Variants in MYPN observed in about 807,000 individuals in gnomAD.
MYPN encodes sarcomeric protein myopalladin, 145 kDa (MYOP).
In MYPN, 63 loss-of-function variants were observed where a neutral mutation model predicts 129.4. The ratio of observed to expected loss-of-function variants is 0.49; its 90% confidence interval spans 0.40 to 0.60. The LOEUF is 0.60. Ranked by LOEUF, MYPN falls within the 20% of genes least tolerant of loss-of-function variation. MYPN has a pLI of 0.00. For missense variants in MYPN, 1,596 were observed against 1,635.4 expected (o/e 0.98, Z 0.42); for synonymous variants, 629 against 600.9 (o/e 1.05, Z -0.68).
upstream of MYPN, among the ~76,000 whole-genome samples, chr10:68,108,169 C>T (rs1185015648): frequency 6.6e-6 from 1 of 152,128 alleles, no homozygotes; most frequent in East Asian, 1.9e-4. Flanking sequence ...AATTCATTTC[C>T]TCCTGTATCC....
chr10:68,114,305 C>T (rs1180317549), intron 1 of MYPN: 2 of 151,614 alleles, frequency 1.3e-5, no homozygotes, highest in African/African-American at 4.8e-5. Flanking sequence ...AGGTATCAGC[C>T]TCAAACTTTT....
chr10:68,200,956 T>C (rs554409279), intron 17 of MYPN, among the ~76,000 whole-genome samples: 4 of 152,332 alleles, frequency 2.6e-5, no homozygotes, highest in African/African-American at 9.6e-5. Flanking sequence ...CTAAAAAATA[T>C]TGACTTTGGA....
chr10:68,094,599 A>G (rs565213334), intron 1 of MYPN, among the ~76,000 whole-genome samples: 1 of 152,184 alleles, frequency 6.6e-6, no homozygotes, highest in East Asian at 1.9e-4. Flanking sequence ...CCTATTCGAG[A>G]TGGAAGTCAC....
chr10:68,203,720 C>CACAGAG (rs1554851560), intron 18 of MYPN, among the ~76,000 whole-genome samples: 34 of 115,754 alleles, frequency 2.9e-4, no homozygotes, highest in Non-Finnish European at 3.7e-4. Context: ...CATACACACA[C>CACAGAG]AGAGAGAGAG....
chr10:68,205,926 T>G (rs767048971), intron 18 of MYPN, among the ~76,000 whole-genome samples: 15 of 152,242 alleles, frequency 9.9e-5, no homozygotes, highest in Non-Finnish European at 1.9e-4. Flanking sequence ...TTGATTGATT[T>G]ATTCTTTATT....
At chr10:68,179,650 T>G (rs1402345748) in intron 12 of MYPN, among the ~76,000 whole-genome samples, 1 of 152,196 alleles carries the variant, frequency 6.6e-6, no homozygotes, top group Non-Finnish European at 1.5e-5. Flanking sequence ...TTAGCTGATT[T>G]TAAAAGATGA....
Position 68,115,269 on chromosome 10 carries a change from A to AG in MYPN, c.-2+5546_-2+5547insG, listed in dbSNP as rs571470800. 3.0e-4 allele frequency among the ~76,000 whole-genome samples: 45 copies of AG among 151,888 alleles called. 2 individuals are homozygous for AG. The South Asian group carries it at 9.4e-3, about 32-fold the overall frequency. ...GTGAAACTCCATCTCAAAAAAAAAA[A>AG]AAAAAAAAAAAGTCAAATGACACTC... On this transcript the variant is annotated intron_variant, in intron 1 of 19. Transcript: ENST00000358913.
chr10:68,093,460 C>G (rs777311894), intron 1 of MYPN, among the ~76,000 whole-genome samples: 1 of 151,426 alleles, frequency 6.6e-6, no homozygotes, highest in Non-Finnish European at 1.5e-5. Context: ...AGGAATAGGC[C>G]GAGCGTGGTG....
intron 2 of MYPN, among the ~76,000 whole-genome samples, chr10:68,130,290 T>C (rs905293170): frequency 1.3e-4 from 19 of 151,998 alleles, no homozygotes; most frequent in Non-Finnish European, 2.4e-4. Context: ...TGAAAACCCG[T>C]CTCTACTAAA....
intron 8 of MYPN, 154 bp from the exon 9 acceptor site, chr10:68,165,548 T>G (rs770881046): frequency 5.6e-6 from 4 of 716,016 alleles, no homozygotes; most frequent in Admixed American, 2.0e-5. Flanking sequence ...ATCAGTCAAT[T>G]CAATCAAACA....
At position 68,199,559 on chromosome 10, in the gene MYPN, G is replaced by A; in HGVS notation, c.3477G>A (p.Leu1159=). Residue 1159 remains leucine, a synonymous_variant, in exon 17 of 20, where the codon CTG becomes CTA. Coordinates refer to ENST00000358913, the MANE Select transcript of MYPN (RefSeq NM_032578.4). ...TNKTGQNSFS[L]ELSVVAKEVK... is the part of the protein sequence containing the mutation. ...AAACCGGGCAGAATTCTTTTAGTCTGGAGCTCTCTGTAGTAGGTAAGGTTT... is the reference window on the plus strand; with the variant it reads ...AAACCGGGCAGAATTCTTTTAGTCTAGAGCTCTCTGTAGTAGGTAAGGTTT... 6.2e-7 allele frequency: 1 copy of A among 1,610,178 alleles called. No homozygotes were observed. Among genetic ancestry groups the A allele is most frequent in the Admixed American group, 1.7e-5 (1 of 59,416 alleles).
At chr10:68,169,742 T>C (rs1328074747) in intron 10 of MYPN, among the ~76,000 whole-genome samples, 3 of 147,262 alleles carry the variant, frequency 2.0e-5, no homozygotes, top group Admixed American at 1.4e-4. Flanking sequence ...GTCATAGCCT[T>C]TTTTTTTTTT....
chr10:68,102,356 T>C (rs186275585), upstream of MYPN, among the ~76,000 whole-genome samples: 20 of 152,228 alleles, frequency 1.3e-4, no homozygotes, highest in East Asian at 3.9e-3. Context: ...CTCAAACTCC[T>C]AGGCTCAAGT....
At position 68,121,325 on chromosome 10, in the gene MYPN, C is replaced by T. The variant is rs56355961; in HGVS notation, c.-1-113C>T. On this transcript the variant is annotated intron_variant, in intron 1 of 19. Transcript: ENST00000358913. ...AGTTTGTAAAAGTATTAAAATTAGG[C>T]AATTCTTTATTTTGAGCTTTAATTT... The T allele has an allele frequency of 0.11, 92,822 of 878,230 alleles. 5,523 individuals carry two copies. The highest frequency in any genetic ancestry group is 0.13 in the Non-Finnish European group (73,174 of 580,016). The allele number at this position is 878,230 out of a possible 1,614,324, so 54.4% of individuals were successfully genotyped here.
intron 1 of MYPN, among the ~76,000 whole-genome samples, chr10:68,099,191 C>T (rs1390433635): frequency 6.6e-6 from 1 of 151,966 alleles, no homozygotes; most frequent in African/African-American, 2.4e-5. Flanking sequence ...GGGGTGGCTC[C>T]CAAAATAACC....
intron 12 of MYPN, among the ~76,000 whole-genome samples, chr10:68,184,249 A>G (rs974417622): frequency 3.9e-5 from 6 of 152,270 alleles, no homozygotes; most frequent in African/African-American, 1.4e-4. Flanking sequence ...GAAACAGACT[A>G]TGTGAGAGTA....
At chr10:68,131,438 T>C (rs1228615640) in intron 2 of MYPN, among the ~76,000 whole-genome samples, 1 of 147,456 alleles carries the variant, frequency 6.8e-6, no homozygotes, top group Non-Finnish European at 1.5e-5. Flanking sequence ...ATTTTTGGAA[T>C]TGCATTGAAT....
At position 68,188,911 on chromosome 10, in the gene MYPN, A is replaced by C; in HGVS notation, c.2710A>C (p.Lys904Gln). 6.2e-7 allele frequency: 1 copy of C among 1,613,726 alleles called. No individual in the cohort carries two copies. Among genetic ancestry groups the C allele is most frequent in the South Asian group, 1.1e-5 (1 of 90,978 alleles). The change falls in exon 13 of 20, where the codon AAA becomes CAA. Residue 904 changes from lysine to glutamine, a missense_variant. Physicochemically the swap from Lys to Gln is moderately conservative, Grantham distance 53. Coordinates refer to ENST00000358913, the MANE Select transcript of MYPN (RefSeq NM_032578.4). The stretch of plus-strand genomic sequence containing the variant: ...ACGTTTGTCATTTTGACAGGAGTAC[A>C]AAATTTCAAGCTTTGAGCAGAGGCT... ...SDVRPNQQEY[K>Q]ISSFEQRLMN... is the part of the protein sequence containing the mutation.
At position 68,122,043 on chromosome 10, in the gene MYPN, T is replaced by C. The variant is rs1192741379; in HGVS notation, c.605T>C (p.Leu202Pro). The change falls in exon 2 of 20, where the codon CTG becomes CCG. Residue 202 changes from leucine to proline, a missense_variant. By Grantham distance (98) the Leu-to-Pro change is moderately conservative (BLOSUM62 -3). Transcript: ENST00000358913. The part of the protein sequence containing the change: ...MQENSSSFSD[L>P]SERRERSSVP... ...GAAAACAGCTCCAGTTTCTCAGATC[T>C]GTCAGAAAGACGAGAAAGATCTTCT... 5.0e-6 allele frequency: 8 copies of C among 1,614,214 alleles called. No homozygotes were observed. Among genetic ancestry groups the C allele is most frequent in the Non-Finnish European group, 6.8e-6 (8 of 1,180,048 alleles).
Sources: allele counts gnomAD v4.1 joint callset (sites outside exome capture counted in the v4.1 genomes callset), GRCh38; gene constraint gnomAD v4.1.1; transcripts MANE v1.5; gene names NCBI Gene and HGNC (gene_info 2026-07-23, HGNC 2026-07-21).